The following UBE4A variants were observed in gnomAD, a reference collection of about 807,000 sequenced individuals.
UBE4A encodes the protein ubiquitin conjugation factor E4 A.
In UBE4A, 48 loss-of-function variants were observed where a neutral mutation model predicts 117.9. That is an observed-to-expected ratio of 0.41 (90% CI 0.32 to 0.52). The LOEUF (loss-of-function observed/expected upper bound fraction) is 0.52. UBE4A is among the 20% of genes least tolerant of loss of function. The pLI is 0.33. For synonymous variants in UBE4A, 407 were observed against 450.0 expected, an observed-to-expected ratio of 0.90 and a Z score of 1.21; for missense variants, 1,067 against 1,296.3, an observed-to-expected ratio of 0.82 and a Z score of 2.72.
intron 9 of UBE4A, 144 bp from the exon 10 acceptor site, chr11:118,376,430 A>G: frequency 8.2e-7 from 1 of 1,220,130 alleles, no homozygotes; most frequent in Non-Finnish European, 1.1e-6. Flanking sequence ...TGAGAAACCA[A>G]AAGATATATT....
Position 118,371,610 on chromosome 11 carries a change from G to A in UBE4A, c.505G>A (p.Gly169Arg). ...TLNLSADRDA[G>R]ERHIFCYLYS... Reference sequence around the variant, plus strand: ...AAATCTCTCTGCTGATCGAGATGCAGGAGAGAGGCACATTTTTTGTTACCT... The same window carrying A: ...AAATCTCTCTGCTGATCGAGATGCAAGAGAGAGGCACATTTTTTGTTACCT... Residue 169 changes from glycine (G) to arginine (R), a missense_variant, in exon 5 of 20, where the codon GGA becomes AGA. Transcript: ENST00000252108. 2.5e-6 allele frequency: 4 copies of A among 1,613,858 alleles called. No individual in the cohort carries two copies. Among genetic ancestry groups the A allele is most frequent in the Non-Finnish European group, 3.4e-6 (4 of 1,180,000 alleles).
chr11:118,386,668 A>G, intron 16 of UBE4A, 56 bp downstream of exon 16: 1 of 1,464,906 alleles, frequency 6.8e-7, no homozygotes, highest in Non-Finnish European at 9.0e-7. Flanking sequence ...GATCAGCTTC[A>G]CTTGGGGGAT....
At chr11:118,368,837 T>C in intron 3 of UBE4A, 33 bp downstream of exon 3, 1 of 1,608,490 alleles carries the variant, frequency 6.2e-7, no homozygotes. Context: ...TATTCTACCC[T>C]TCCTATTTGA....
In UBE4A at chr11:118,397,596, A is replaced by G. The variant is rs1451509847; in HGVS notation, c.*1156A>G. 6 of 152,020 alleles carry G rather than the reference A, an allele frequency of 3.9e-5. No homozygotes were observed. Among genetic ancestry groups the G allele is most frequent in the Admixed American group, 2.6e-4 (4 of 15,266 alleles). The allele number at this position is 152,020 out of a possible 1,614,324, so 9.4% of individuals were successfully genotyped here. On this transcript the variant is annotated 3_prime_UTR_variant, in exon 20 of 20. Coordinates refer to ENST00000252108, the MANE Select transcript of UBE4A (RefSeq NM_001204077.2). ...TAGTTGGTAGGTGGACACCACTTTC[A>G]TAAGTGAACTTGAGCTCACTACTCA...
intron 16 of UBE4A, among the ~76,000 whole-genome samples, chr11:118,387,878 C>A (rs1948773951): frequency 6.6e-6 from 1 of 152,144 alleles, no homozygotes; most frequent in Non-Finnish European, 1.5e-5. Flanking sequence ...GTGAAAGGAG[C>A]TTGTGTGGCC....
Position 118,378,226 on chromosome 11 carries a change from G to A in UBE4A, c.1572-1220G>A, listed in dbSNP as rs113009176. ...GGTGTCACTGCACTCCAGCCTAGGC[G>A]ACAGGGCGAGAATCTGTCTCAAAAA... On this transcript the variant is annotated intron_variant, in intron 10 of 19. Transcript: ENST00000252108. 1.8e-3 allele frequency among the ~76,000 whole-genome samples: 272 copies of A among 150,208 alleles called. 1 individual carries two copies. Among genetic ancestry groups the A allele is most frequent in the African/African-American group, 6.4e-3 (259 of 40,764 alleles).
rs1411496599 is a variant in UBE4A at position 118,381,333 on chromosome 11, T to C, written c.1877-58T>C. 2.5e-6 allele frequency: 4 copies of C among 1,580,080 alleles called. No homozygotes were observed. In the Admixed American group the frequency reaches 7.0e-5, roughly 28 times the overall value. Reference sequence around the variant, plus strand: ...TAGGGTGAAAGGAATTTAAATGTTGTTTATTAGTACAGATATACAGATGTT... The same window carrying C: ...TAGGGTGAAAGGAATTTAAATGTTGCTTATTAGTACAGATATACAGATGTT... On this transcript the variant is annotated intron_variant, in intron 11 of 19. Coordinates refer to ENST00000252108, the MANE Select transcript of UBE4A (RefSeq NM_001204077.2).
At chr11:118,383,013 C>G (rs2134102383) in intron 13 of UBE4A, among the ~76,000 whole-genome samples, 1 of 147,290 alleles carries the variant, frequency 6.8e-6, no homozygotes, top group Admixed American at 6.8e-5. Flanking sequence ...TTTAATTATT[C>G]TTGTTTTACA....
intron 7 of UBE4A, 80 bp from the exon 8 acceptor site, chr11:118,373,414 T>C: frequency 1.3e-6 from 2 of 1,530,416 alleles, no homozygotes; most frequent in Non-Finnish European, 1.8e-6. Context: ...TTGTATCAAC[T>C]TAACTGTTTT....
intron 2 of UBE4A, among the ~76,000 whole-genome samples, chr11:118,367,327 G>A (rs1467477845): frequency 1.3e-5 from 2 of 151,578 alleles, no homozygotes; most frequent in East Asian, 3.9e-4. Flanking sequence ...GATGTGACAT[G>A]CAACTTATAA....
rs369602782 is a variant in UBE4A at position 118,379,427 on chromosome 11, T to C, written c.1572-19T>C. On this transcript the variant is annotated intron_variant, in intron 10 of 19. Coordinates refer to ENST00000252108, the MANE Select transcript of UBE4A (RefSeq NM_001204077.2). ...TTCTGTTTTCCCTGACCCAGTCTCT[T>C]CTGCTTTCTTGGGGGCAGGTTGCAT... The C allele has an allele frequency of 6.2e-7, 1 of 1,607,476 alleles. No homozygotes were observed. Among genetic ancestry groups the C allele is most frequent in the Non-Finnish European group, 8.5e-7 (1 of 1,175,596 alleles).
In UBE4A at chr11:118,370,775, G is replaced by A. The variant is rs537259327; in HGVS notation, c.409-739G>A. ...AATGTGGTGGAGGAAGTCACCAAAG[G>A]ACACATACCATGAGGACGCATGCAA... On this transcript the variant is annotated intron_variant, in intron 4 of 19. Coordinates refer to ENST00000252108, the MANE Select transcript of UBE4A (RefSeq NM_001204077.2). Among the ~76,000 whole-genome samples the A allele has an allele frequency of 3.2e-4, 49 of 152,302 alleles. No individual in the cohort carries two copies. The South Asian group carries it at 9.8e-3, about 30-fold the overall frequency.
At chr11:118,380,612 A>G (rs150867716) in intron 11 of UBE4A, among the ~76,000 whole-genome samples, 5 of 152,146 alleles carry the variant, frequency 3.3e-5, no homozygotes, top group Non-Finnish European at 7.4e-5. Flanking sequence ...TAAAATAACA[A>G]CAACAACTGC....
chr11:118,387,413 G>A (rs1948769472), intron 16 of UBE4A, among the ~76,000 whole-genome samples: 1 of 152,164 alleles, frequency 6.6e-6, no homozygotes, highest in African/African-American at 2.4e-5. Flanking sequence ...AAAGGAGTTA[G>A]AAGATATAAA....
At chr11:118,370,622 T>TTA (rs796446092) in intron 4 of UBE4A, among the ~76,000 whole-genome samples, 1 of 138,760 alleles carries the variant, frequency 7.2e-6, no homozygotes, top group African/African-American at 2.6e-5. Context: ...AAGACCCATC[T>TTA]AAAAAAAAAA....
intron 18 of UBE4A, among the ~76,000 whole-genome samples, chr11:118,392,445 G>T (rs1948828065): frequency 6.6e-6 from 1 of 152,186 alleles, no homozygotes; most frequent in African/African-American, 2.4e-5. Context: ...TTGCCAGATG[G>T]ATGTTATATC....
At position 118,372,682 on chromosome 11, in the gene UBE4A, A is replaced by G. The variant is rs1453966795; in HGVS notation, c.721+16A>G. 6.2e-7 allele frequency: 1 copy of G among 1,610,732 alleles called. No homozygotes were observed. Among genetic ancestry groups the G allele is most frequent in the African/African-American group, 1.3e-5 (1 of 74,782 alleles). Reference sequence around the variant, plus strand: ...CAGGGAGCCCGTGAGTACATGAACAAGATCTGTAAGCTTCTACATTTTGAT... The same window carrying G: ...CAGGGAGCCCGTGAGTACATGAACAGGATCTGTAAGCTTCTACATTTTGAT... On this transcript the variant is annotated intron_variant, in intron 6 of 19. Transcript: ENST00000252108.
chr11:118,388,625 G>A (rs1555127640), intron 16 of UBE4A, among the ~76,000 whole-genome samples: 1 of 151,078 alleles, frequency 6.6e-6, no homozygotes, highest in Non-Finnish European at 1.5e-5. Context: ...CTCCAGCCTA[G>A]GCAACAGAAT....
Position 118,372,538 on chromosome 11 carries a change from T to C in UBE4A, c.593T>C (p.Phe198Ser). ...ITKVPENLLPFAVQCRNLTVS... is the reference protein window; with the variant it reads ...ITKVPENLLPSAVQCRNLTVS... ...AAAGTTCCAGAGAACCTGCTACCCTTTGCAGTGCAGTGCAGAAACCTCACT... is the reference window on the plus strand; with the variant it reads ...AAAGTTCCAGAGAACCTGCTACCCTCTGCAGTGCAGTGCAGAAACCTCACT... The change falls in exon 6 of 20, where the codon TTT becomes TCT. Residue 198 changes from phenylalanine (F) to serine (S), a missense_variant. Phe to Ser is a radical substitution (Grantham distance 155). This residue lies in a region of UBE4A where 1,001 missense variants were observed against 1,184.0 expected (regional missense o/e 0.85). Coordinates refer to ENST00000252108, the MANE Select transcript of UBE4A (RefSeq NM_001204077.2). The C allele has an allele frequency of 6.2e-7, 1 of 1,613,140 alleles. No individual in the cohort carries two copies. Among genetic ancestry groups the C allele is most frequent in the Non-Finnish European group, 8.5e-7 (1 of 1,179,788 alleles).
Sources: allele counts gnomAD v4.1 joint callset (sites outside exome capture counted in the v4.1 genomes callset), GRCh38; gene constraint gnomAD v4.1.1; regional missense constraint gnomAD v4.1.1; transcripts MANE v1.5; gene names NCBI Gene and HGNC (gene_info 2026-07-23, HGNC 2026-07-21).